Variants in KDM5A observed in about 807,000 individuals in gnomAD.
KDM5A encodes lysine-specific demethylase 5A.
In KDM5A, 42 loss-of-function variants were observed where a neutral mutation model predicts 193.5. The observed-to-expected ratio is 0.22, with a 90% confidence interval of 0.17 to 0.28. KDM5A has a LOEUF of 0.28. Ranked by LOEUF, KDM5A falls within the 10% of genes least tolerant of loss-of-function variation. The pLI is 1.00. For missense variants in KDM5A, 1,692 were observed against 2,055.1 expected (o/e 0.82, Z 3.42); for synonymous variants, 796 against 718.1 (o/e 1.11, Z -1.73).
Position 281,906 on chromosome 12 carries a change from A to G in KDM5A, c.*3550T>C. On this transcript the variant is annotated 3_prime_UTR_variant, in exon 28 of 28. Transcript: ENST00000399788. ...CCCAAAAATTAAGAAATTCAAAAAG[A>G]CATTTTGTGGGCACCTGCTAGCACA... 3.5e-6 allele frequency: 1 copy of G among 285,132 alleles called. No homozygotes were observed. Among genetic ancestry groups the G allele is most frequent in the South Asian group, 4.9e-5 (1 of 20,558 alleles). 17.7% of individuals were successfully genotyped at this position (285,132 alleles called of 1,614,324 possible).
chr12:347,190 G>A (rs531724634), intron 10 of KDM5A, among the ~76,000 whole-genome samples: 23 of 152,136 alleles, frequency 1.5e-4, no homozygotes, highest in Middle Eastern at 3.4e-3. Flanking sequence ...AAACACCTAG[G>A]AATCCAACTT....
intron 10 of KDM5A, among the ~76,000 whole-genome samples, chr12:348,112 C>T (rs111894197): frequency 6.4e-4 from 98 of 152,252 alleles, no homozygotes; most frequent in African/African-American, 2.3e-3. Flanking sequence ...AGGATATGAA[C>T]AGACACTTCT....
intron 14 of KDM5A, among the ~76,000 whole-genome samples, chr12:326,857 T>G (rs1220073806): frequency 1.0e-5 from 1 of 99,416 alleles, no homozygotes; most frequent in East Asian, 2.9e-4. Flanking sequence ...AGAGCTAGAC[T>G]CTGTCTCAAA....
At chr12:372,549 T>A (rs1406482139) in intron 3 of KDM5A, among the ~76,000 whole-genome samples, 1 of 152,230 alleles carries the variant, frequency 6.6e-6, no homozygotes, top group African/African-American at 2.4e-5. Context: ...AGGGACAACT[T>A]GACTTCCTCT....
chr12:285,822 A>G (rs960207186), intron 27 of KDM5A, among the ~76,000 whole-genome samples, 160 bp from the exon 28 acceptor site: 7 of 152,246 alleles, frequency 4.6e-5, no homozygotes, highest in Admixed American at 1.3e-4. Flanking sequence ...AAAGAAGCTG[A>G]GAAGTTAATA....
At chr12:291,340 G>A (rs373162655) in intron 27 of KDM5A, among the ~76,000 whole-genome samples, 1 of 152,166 alleles carries the variant, frequency 6.6e-6, no homozygotes, top group Non-Finnish European at 1.5e-5. Flanking sequence ...TTAAATATGT[G>A]TCATTTAGTT....
At chr12:340,835 A>G (rs1943995565) in intron 10 of KDM5A, among the ~76,000 whole-genome samples, 2 of 152,206 alleles carry the variant, frequency 1.3e-5, no homozygotes, top group South Asian at 4.1e-4. Context: ...AAGAGCCAGG[A>G]ACAAAACATG....
intron 24 of KDM5A, among the ~76,000 whole-genome samples, chr12:306,115 G>C (rs1227323120): frequency 6.6e-6 from 1 of 151,802 alleles, no homozygotes; most frequent in East Asian, 1.9e-4. Flanking sequence ...GGGACTACAG[G>C]TGTGTGCTAC....
rs1237286274 is a variant in KDM5A, at chr12:284,961, G to T, written c.*495C>A. On this transcript the variant is annotated 3_prime_UTR_variant, in exon 28 of 28. Transcript: ENST00000399788. ...AACTTTGGCCCTGTTACTCCTAGTTGTATCTTTAGGGCATTAAGTACCAGG... is the reference window on the plus strand; with the variant it reads ...AACTTTGGCCCTGTTACTCCTAGTTTTATCTTTAGGGCATTAAGTACCAGG... The T allele has an allele frequency of 4.0e-6, 1 of 249,690 alleles. No individual in the cohort carries two copies. Among genetic ancestry groups the T allele is most frequent in the Non-Finnish European group, 7.9e-6 (1 of 126,318 alleles). The allele number at this position is 249,690 out of a possible 1,614,324, so 15.5% of individuals were successfully genotyped here. A position where few individuals can be genotyped will look rare whatever the true frequency, so the allele number is the denominator to read the frequency against.
intron 3 of KDM5A, among the ~76,000 whole-genome samples, chr12:370,222 G>A (rs1414329187): frequency 6.6e-6 from 1 of 152,036 alleles, no homozygotes; most frequent in Non-Finnish European, 1.5e-5. Flanking sequence ...GTGAAACCCT[G>A]TCTCTACTAA....
chr12:281,383 A>C lies in KDM5A; in HGVS notation c.*4073T>G, dbSNP rs2137348866. 4.3e-6 allele frequency: 1 copy of C among 233,228 alleles called. No homozygotes were observed. Among genetic ancestry groups the C allele is most frequent in the East Asian group, 6.0e-5 (1 of 16,562 alleles). The allele number at this position is 233,228 out of a possible 1,614,324, so 14.4% of individuals were successfully genotyped here. On this transcript the variant is annotated 3_prime_UTR_variant, in exon 28 of 28. Coordinates refer to ENST00000399788, the MANE Select transcript of KDM5A (RefSeq NM_001042603.3). The stretch of plus-strand genomic sequence containing the variant: ...TTCATAACCCATCATATCCTTGCCC[A>C]GTGCACATCATTTGTTGCATAGTGG...
intron 10 of KDM5A, among the ~76,000 whole-genome samples, chr12:334,894 TA>T (rs1943907042): frequency 6.6e-6 from 1 of 152,082 alleles, no homozygotes. Context: ...CCATCACTCC[TA>T]ACCATTATAC....
chr12:311,375 G>A (rs535042835), intron 20 of KDM5A, among the ~76,000 whole-genome samples: 86 of 152,248 alleles, frequency 5.6e-4, no homozygotes, highest in African/African-American at 1.9e-3. Context: ...CAGGCGTGGT[G>A]GCTCACACCT....
Position 282,350 on chromosome 12 carries a change from C to T in KDM5A, c.*3106G>A, listed in dbSNP as rs1943165196. The T allele has an allele frequency of 8.6e-6, 2 of 233,240 alleles. No homozygotes were observed. Among genetic ancestry groups the T allele is most frequent in the South Asian group, 1.8e-4 (1 of 5,532 alleles). The allele number at this position is 233,240 out of a possible 1,614,324, so 14.4% of individuals were successfully genotyped here. ...GGGTAATCACAGGTTTAATGTTTGC[C>T]GTTTCCATTATTCAAGGTATGACAT... On this transcript the variant is annotated 3_prime_UTR_variant, in exon 28 of 28. Coordinates refer to ENST00000399788, the MANE Select transcript of KDM5A (RefSeq NM_001042603.3).
rs1943897719 is a variant in KDM5A, at chr12:334,241, C to T, written c.1490G>A (p.Trp497Ter). 1 of 1,613,462 alleles carries T rather than the reference C, an allele frequency of 6.2e-7. No individual in the cohort carries two copies. Among genetic ancestry groups the T allele is most frequent in the Non-Finnish European group, 8.5e-7 (1 of 1,179,428 alleles). The change falls in exon 11 of 28, where the codon TGG becomes TAG. Residue 497 changes from tryptophan (W) to a stop codon, truncating the protein, a stop_gained and splice_region_variant. Coordinates refer to ENST00000399788, the MANE Select transcript of KDM5A (RefSeq NM_001042603.3). LOFTEE classifies it high-confidence loss of function. ...HWSYSINYLH[W>*]GEPKTWYGVP... ...ATGCTGTATTTTAGACTGTACATAC[C>T]AGTGCAAGTAGTTGATGGAATAACT...
intron 3 of KDM5A, 121 bp from the exon 4 acceptor site, chr12:366,225 A>G: frequency 2.5e-6 from 2 of 797,820 alleles, no homozygotes; most frequent in Non-Finnish European, 4.2e-6. Flanking sequence ...CCTTTCAATG[A>G]GTATCTAACC....
At chr12:324,582 G>GT (rs1943760523) in intron 14 of KDM5A, among the ~76,000 whole-genome samples, 1 of 152,086 alleles carries the variant, frequency 6.6e-6, no homozygotes, top group Non-Finnish European at 1.5e-5. Flanking sequence ...TGCCAAGAAC[G>GT]TAAGAGCAGG....
chr12:357,052 A>C (rs1482228073), intron 5 of KDM5A, among the ~76,000 whole-genome samples: 1 of 152,220 alleles, frequency 6.6e-6, no homozygotes, highest in African/African-American at 2.4e-5. Flanking sequence ...AGGCCAAGGC[A>C]GGTGATCATT....
At chr12:368,475 TA>T (rs1944384533) in intron 3 of KDM5A, among the ~76,000 whole-genome samples, 1 of 152,192 alleles carries the variant, frequency 6.6e-6, no homozygotes, top group Non-Finnish European at 1.5e-5. Flanking sequence ...CTCACATCTG[TA>T]ATCCCAGCAC....
Sources: allele counts gnomAD v4.1 joint callset (sites outside exome capture counted in the v4.1 genomes callset), GRCh38; gene constraint gnomAD v4.1.1; transcripts MANE v1.5; gene names NCBI Gene and HGNC (gene_info 2026-07-23, HGNC 2026-07-21).